NTM: variants seen among roughly 807,000 people sequenced by gnomAD.
NTM encodes the protein IgLON family member 2.
NTM carries 13 observed loss-of-function variants against 42.1 expected under a neutral mutation model. The ratio of observed to expected loss-of-function variants is 0.31; its 90% CI spans 0.20 to 0.49. The LOEUF is 0.49. Among genes scored for constraint, NTM ranks in the 20% least tolerant of loss-of-function variants. The probability of loss-of-function intolerance (pLI) is 0.99; values close to 1 mark genes in which losing one functional copy is unlikely to be tolerated. For missense variants in NTM, 373 were observed against 452.8 expected, an observed-to-expected ratio of 0.82 and a Z score of 1.60; for synonymous variants, 187 against 179.2, an observed-to-expected ratio of 1.04 and a Z score of -0.35.
At chr11:131,392,861 T>A (rs964961653) in intron 1 of NTM, among the ~76,000 whole-genome samples, 1 of 152,094 alleles carries the variant, frequency 6.6e-6, no homozygotes, top group Admixed American at 6.5e-5. Context: ...TTCCCTGGAG[T>A]GCCTGTGCAT....
intron 3 of NTM, among the ~76,000 whole-genome samples, chr11:132,172,676 G>A (rs1312467370): frequency 6.6e-6 from 1 of 152,196 alleles, no homozygotes; most frequent in South Asian, 2.1e-4. Context: ...TTTGTGTATA[G>A]TGGAGAGTTC....
intron 2 of NTM, among the ~76,000 whole-genome samples, chr11:131,962,721 A>G (rs1366379501): frequency 2.6e-5 from 4 of 152,142 alleles, no homozygotes; most frequent in Admixed American, 6.5e-5. Flanking sequence ...TGCTTATGCC[A>G]TTTACCCTGA....
chr11:131,505,969 C>T (rs1048126361), intron 1 of NTM, among the ~76,000 whole-genome samples: 3 of 151,890 alleles, frequency 2.0e-5, no homozygotes, highest in Admixed American at 2.0e-4. Flanking sequence ...CCTTTTGTCT[C>T]GTTGGTGATT....
chr11:131,565,369 G>A (rs531331308), intron 1 of NTM, among the ~76,000 whole-genome samples: 2 of 152,276 alleles, frequency 1.3e-5, no homozygotes, highest in East Asian at 3.9e-4. Context: ...CAATATTGTT[G>A]GCCCAGGTAG....
At chr11:131,727,539 G>T (rs1050333289) in intron 1 of NTM, among the ~76,000 whole-genome samples, 7 of 152,104 alleles carry the variant, frequency 4.6e-5, no homozygotes, top group African/African-American at 1.7e-4. Flanking sequence ...CTACCAATAT[G>T]CCAGGAAAGG....
At chr11:131,408,661 G>T (rs1463186749) in intron 1 of NTM, among the ~76,000 whole-genome samples, 1 of 152,120 alleles carries the variant, frequency 6.6e-6, no homozygotes, top group African/African-American at 2.4e-5. Flanking sequence ...GCTCCGAGAT[G>T]GTAGATGCCT....
At chr11:131,818,905 G>A (rs920768022) in intron 1 of NTM, among the ~76,000 whole-genome samples, 1 of 152,156 alleles carries the variant, frequency 6.6e-6, no homozygotes, top group African/African-American at 2.4e-5. Flanking sequence ...TACCATTTAT[G>A]CTGGTTGTTC....
chr11:131,747,273 C>T (rs943561319), intron 1 of NTM, among the ~76,000 whole-genome samples: 1 of 152,172 alleles, frequency 6.6e-6, no homozygotes, highest in African/African-American at 2.4e-5. Flanking sequence ...AGCTGAATAA[C>T]CCACGAGCAC....
chr11:131,496,953 G>A (rs1415000351), intron 1 of NTM, among the ~76,000 whole-genome samples: 1 of 152,184 alleles, frequency 6.6e-6, no homozygotes, highest in Admixed American at 6.5e-5. Flanking sequence ...CTCTCCCTCT[G>A]GCTTCCTACT....
At chr11:131,436,801 T>G (rs1949173625) in intron 1 of NTM, among the ~76,000 whole-genome samples, 1 of 152,228 alleles carries the variant, frequency 6.6e-6, no homozygotes, top group Non-Finnish European at 1.5e-5. Flanking sequence ...TGCTCTGATC[T>G]TAGTTATTTC....
At chr11:131,874,856 GAGGGAT>G (rs2048333070) in intron 1 of NTM, among the ~76,000 whole-genome samples, 1 of 152,208 alleles carries the variant, frequency 6.6e-6, no homozygotes, top group Non-Finnish European at 1.5e-5. Context: ...TTTTCTGTAC[GAGGGAT>G]AGGTCTGCAG....
intron 1 of NTM, among the ~76,000 whole-genome samples, chr11:131,664,766 T>G (rs924650064): frequency 5.3e-5 from 8 of 151,236 alleles, no homozygotes; most frequent in African/African-American, 7.3e-5. Flanking sequence ...TTTTTTTTTT[T>G]TTTTTTTTTT....
chr11:132,087,261 G>C (rs749587272), intron 2 of NTM, among the ~76,000 whole-genome samples: 1 of 152,046 alleles, frequency 6.6e-6, no homozygotes, highest in Non-Finnish European at 1.5e-5. Flanking sequence ...TTTTGCCCAC[G>C]TACTGCCTTT....
intron 1 of NTM, among the ~76,000 whole-genome samples, chr11:131,565,349 A>G (rs2056762339): frequency 6.6e-6 from 1 of 152,200 alleles, no homozygotes; most frequent in African/African-American, 2.4e-5. Context: ...TCTGTCCAGA[A>G]AAATCCAACC....
At chr11:131,426,171 C>G (rs1948118308) in intron 1 of NTM, among the ~76,000 whole-genome samples, 1 of 152,184 alleles carries the variant, frequency 6.6e-6, no homozygotes, top group African/African-American at 2.4e-5. Context: ...CCTTCAGATT[C>G]TTCTCAACCT....
intron 1 of NTM, among the ~76,000 whole-genome samples, chr11:131,452,235 C>A (rs1950541534): frequency 6.6e-6 from 1 of 152,236 alleles, no homozygotes. Context: ...GACTCCCAAA[C>A]TGCTGTGCTG....
intron 2 of NTM, 115 bp downstream of exon 2, chr11:131,911,763 C>T (rs2055081759): frequency 7.7e-7 from 1 of 1,299,354 alleles, no homozygotes; most frequent in Non-Finnish European, 1.1e-6. Context: ...GTCGCTGGTT[C>T]CCTGGGCTGC....
In NTM at chr11:131,598,799, T is replaced by TTC. The variant is rs1555161500; in HGVS notation, c.82+227912_82+227913insCT. Among the ~76,000 whole-genome samples, 11 of 77,396 alleles carry TTC rather than the reference T, an allele frequency of 1.4e-4. 3 individuals are homozygous for TTC. Among genetic ancestry groups the TTC allele is most frequent in the African/African-American group, 4.6e-4 (11 of 23,682 alleles). The allele number at this position is 77,396 out of a possible 152,430, so 50.8% of individuals were successfully genotyped here. On this transcript the variant is annotated intron_variant, in intron 1 of 8. Transcript: ENST00000683400. ...CTTTCTTTCTTCTTTCTTTCTTTCT[T>TTC]TTTCTTTCTTTCTTCTTTCTTTCTT...
chr11:131,758,462 G>A (rs2083632813), intron 1 of NTM, among the ~76,000 whole-genome samples: 1 of 152,160 alleles, frequency 6.6e-6, no homozygotes, highest in African/African-American at 2.4e-5. Flanking sequence ...GTGAGAGACT[G>A]TTTCTTCAGC....
Sources: allele counts gnomAD v4.1 joint callset (sites outside exome capture counted in the v4.1 genomes callset), GRCh38; gene constraint gnomAD v4.1.1; transcripts MANE v1.5; gene names NCBI Gene and HGNC (gene_info 2026-07-23, HGNC 2026-07-21).